PCNX1: variants seen among roughly 807,000 people sequenced by gnomAD.
PCNX1 encodes the protein pecanex 1.
PCNX1 carries 78 observed loss-of-function variants against 242.2 expected under a neutral mutation model. The observed-to-expected ratio is 0.32, with a 90% CI of 0.27 to 0.39. The LOEUF is 0.39. PCNX1 is among the 10% of genes least tolerant of loss of function. PCNX1 has a pLI of 1.00. For synonymous variants in PCNX1, 1,024 were observed against 1,032.9 expected, an observed-to-expected ratio of 0.99 and a Z score of 0.17; for missense variants, 2,581 against 2,856.5, an observed-to-expected ratio of 0.90 and a Z score of 2.20.
At chr14:70,963,001 A>G (rs2058269474) in intron 3 of PCNX1, among the ~76,000 whole-genome samples, 1 of 152,168 alleles carries the variant, frequency 6.6e-6, no homozygotes. Flanking sequence ...CCTTTACATA[A>G]CTATAGGTTT....
chr14:70,919,935 A>T (rs2056313918), intron 1 of PCNX1, among the ~76,000 whole-genome samples: 2 of 151,962 alleles, frequency 1.3e-5, no homozygotes, highest in Non-Finnish European at 2.9e-5. Context: ...CATTCTGTAG[A>T]GCTTTGAACG....
intron 1 of PCNX1, among the ~76,000 whole-genome samples, chr14:70,912,470 A>T (rs1387795676): frequency 6.6e-6 from 1 of 151,988 alleles, no homozygotes; most frequent in Admixed American, 6.6e-5. Context: ...TCCAGCTGCT[A>T]CTCAACGTAC....
chr14:71,077,732 T>C (rs2061753813), intron 28 of PCNX1, among the ~76,000 whole-genome samples: 1 of 152,206 alleles, frequency 6.6e-6, no homozygotes, highest in South Asian at 2.1e-4. Flanking sequence ...CTAAACTTCT[T>C]TCTTCCAAAC....
intron 30 of PCNX1, among the ~76,000 whole-genome samples, chr14:71,101,780 G>C (rs374686376): frequency 6.6e-6 from 1 of 152,036 alleles, no homozygotes; most frequent in Non-Finnish European, 1.5e-5. Context: ...GGAGAGGGTT[G>C]GATTGAGGAA....
chr14:70,952,927 A>G (rs1215253783), intron 2 of PCNX1, among the ~76,000 whole-genome samples: 1 of 152,138 alleles, frequency 6.6e-6, no homozygotes, highest in Non-Finnish European at 1.5e-5. Flanking sequence ...TGATATTGGT[A>G]AACCTTAAAA....
chr14:71,022,446 A>C (rs2060129740), intron 12 of PCNX1, among the ~76,000 whole-genome samples: 1 of 152,198 alleles, frequency 6.6e-6, no homozygotes, highest in East Asian at 1.9e-4. Context: ...CGCTGTGGTT[A>C]AAAGAGTTTA....
At chr14:71,055,742 A>G (rs1391308073) in intron 25 of PCNX1, among the ~76,000 whole-genome samples, 180 bp downstream of exon 25, 2 of 152,166 alleles carry the variant, frequency 1.3e-5, no homozygotes, top group Admixed American at 1.3e-4. Flanking sequence ...TCTACAGTTT[A>G]TATGCCCATC....
At chr14:71,031,701 T>C (rs921210243) in intron 16 of PCNX1, 2 of 844,202 alleles carry the variant, frequency 2.4e-6, no homozygotes, top group African/African-American at 1.7e-5. Flanking sequence ...GCCCCAGAGC[T>C]AAGTGGCCTT....
chr14:71,043,792 C>G (rs1221840934), intron 19 of PCNX1, among the ~76,000 whole-genome samples: 2 of 151,988 alleles, frequency 1.3e-5, no homozygotes, highest in African/African-American at 2.4e-5. Context: ...TCCTTCATAT[C>G]ATTATTTTGA....
intron 2 of PCNX1, among the ~76,000 whole-genome samples, chr14:70,953,304 T>TA (rs1043433283): frequency 6.6e-6 from 1 of 152,082 alleles, no homozygotes; most frequent in African/African-American, 2.4e-5. Flanking sequence ...TCATGAAATG[T>TA]AAAAGGTGTC....
chr14:71,032,040 T>C (rs2060401003), intron 16 of PCNX1: 7 of 789,644 alleles, frequency 8.9e-6, no homozygotes. Flanking sequence ...GGTTTAAGAG[T>C]GGAAAGATTA....
At chr14:71,011,685 C>T in intron 10 of PCNX1, 136 bp downstream of exon 10, 2 of 613,610 alleles carry the variant, frequency 3.3e-6, no homozygotes, top group East Asian at 2.8e-5. Context: ...GGCAAAATCA[C>T]TTTGCTGCCC....
At chr14:71,071,956 G>A (rs1369807807) in intron 26 of PCNX1, among the ~76,000 whole-genome samples, 1 of 152,174 alleles carries the variant, frequency 6.6e-6, no homozygotes, top group Admixed American at 6.5e-5. Context: ...GGTCAGTGGA[G>A]CAGTCAGAGT....
rs33967128 is a variant in PCNX1 at position 70,953,664 on chromosome 14, C to CT, written c.362+6560dup. ...TTTTGTTTTTTGTGTTTTTTTCTTT[C>CT]TTTTTTTTTTTTTTTTTTTAATGAA... On this transcript the variant is annotated intron_variant, in intron 2 of 35. Transcript: ENST00000304743. Among the ~76,000 whole-genome samples the CT allele has an allele frequency of 1.2e-3, 143 of 114,928 alleles. 1 individual carries two copies. The highest frequency in any genetic ancestry group is 4.5e-3 in the East Asian group (18 of 3,968). 75.4% of individuals were successfully genotyped at this position (114,928 alleles called of 152,430 possible).
rs2141953925 is a variant in PCNX1, at chr14:71,114,465, C to A, written c.*4530C>A. On this transcript the variant is annotated 3_prime_UTR_variant, in exon 36 of 36. Transcript: ENST00000304743. ...CTACTTTGAATCACCTCACCAGAGTCATCTGTCAAGAATTATGTATAACAA... is the reference window on the plus strand; with the variant it reads ...CTACTTTGAATCACCTCACCAGAGTAATCTGTCAAGAATTATGTATAACAA... 1 of 152,444 alleles carries A rather than the reference C, an allele frequency of 6.6e-6. No homozygotes were observed. Among genetic ancestry groups the A allele is most frequent in the Middle Eastern group, 3.4e-3 (1 of 294 alleles). The allele number at this position is 152,444 out of a possible 1,614,324, so 9.4% of individuals were successfully genotyped here. A position where few individuals can be genotyped will look rare whatever the true frequency, so the allele number is the denominator to read the frequency against.
chr14:70,998,655 T>C (rs896454577), intron 8 of PCNX1, among the ~76,000 whole-genome samples: 4 of 147,720 alleles, frequency 2.7e-5, no homozygotes, highest in African/African-American at 1.0e-4. Flanking sequence ...AAAGGCTAAG[T>C]CACAAGAATT....
At chr14:71,004,829 AT>A (rs2059608162) in intron 8 of PCNX1, among the ~76,000 whole-genome samples, 1 of 152,206 alleles carries the variant, frequency 6.6e-6, no homozygotes, top group Non-Finnish European at 1.5e-5. Flanking sequence ...CCATCAGATT[AT>A]TTCTTGAATA....
intron 6 of PCNX1, among the ~76,000 whole-genome samples, chr14:70,981,942 T>A (rs1252292340): frequency 6.6e-6 from 1 of 152,220 alleles, no homozygotes; most frequent in Non-Finnish European, 1.5e-5. Context: ...ATTGTTTAAC[T>A]TCTATTTCTC....
At chr14:70,949,701 C>T (rs771938160) in intron 2 of PCNX1, among the ~76,000 whole-genome samples, 1 of 152,184 alleles carries the variant, frequency 6.6e-6, no homozygotes, top group Non-Finnish European at 1.5e-5. Context: ...AAGTGATCCC[C>T]CTGTTGCTCA....
Sources: gnomAD v4.1 joint callset for allele counts (sites outside exome capture counted in the v4.1 genomes callset) on GRCh38, gnomAD v4.1.1 for gene constraint, MANE v1.5 for transcripts, NCBI Gene and HGNC (gene_info 2026-07-23, HGNC 2026-07-21) for gene names.